Variants in DIP2A observed in about 807,000 individuals in gnomAD.
DIP2A encodes disco-interacting protein 2 homolog A.
DIP2A carries 85 observed loss-of-function variants against 177.4 expected under a neutral mutation model. That is an observed-to-expected ratio of 0.48 (90% CI 0.40 to 0.57). The LOEUF (loss-of-function observed/expected upper bound fraction) is 0.57. DIP2A is among the 20% of genes least tolerant of loss of function. The pLI, the probability that DIP2A is intolerant of heterozygous loss-of-function variation, is 0.00. For synonymous variants in DIP2A, 886 were observed against 881.8 expected, an observed-to-expected ratio of 1.00 and a Z score of -0.08; for missense variants, 1,791 against 2,100.2, an observed-to-expected ratio of 0.85 and a Z score of 2.88.
chr21:46,540,492 C>G (rs551535802), intron 17 of DIP2A, among the ~76,000 whole-genome samples: 3 of 152,164 alleles, frequency 2.0e-5, no homozygotes, highest in African/African-American at 7.2e-5. Context: ...CCTGAGTGTC[C>G]TTGTGTGTGG....
Position 46,554,280 on chromosome 21 carries a change from G to C in DIP2A, c.3142G>C (p.Val1048Leu), listed in dbSNP as rs1207112081. 5 of 1,613,902 alleles carry C rather than the reference G, an allele frequency of 3.1e-6. No individual in the cohort carries two copies. Among genetic ancestry groups the C allele is most frequent in the South Asian group, 1.1e-5 (1 of 91,080 alleles). ...GAGTGTTGGGGACCATGTGGCTCTG[G>C]TCTACCCACCAGGTGGGCTCACTGT... The part of the protein sequence containing the change: ...RLSVGDHVAL[V>L]YPPGVDLIAA... The change falls in exon 26 of 38, where the codon GTC (valine) becomes CTC (leucine). Residue 1048 changes from valine (V) to leucine (L), a missense_variant. Transcript: ENST00000417564.
chr21:46,462,398 GATTACA>G (rs2054396309), intron 1 of DIP2A: 1 of 152,148 alleles, frequency 6.6e-6, no homozygotes, highest in Non-Finnish European at 1.5e-5. Context: ...ATCTCCTGTG[GATTACA>G]ATGTCTCTAA....
At chr21:46,549,126 TTGTG>T (rs142993944) in intron 21 of DIP2A, among the ~76,000 whole-genome samples, 6 of 150,926 alleles carry the variant, frequency 4.0e-5, no homozygotes, top group Admixed American at 3.3e-4. Context: ...GTTGTGTAAA[TTGTG>T]TGTGTGTGTG....
chr21:46,547,087 T>G (rs1335226462), intron 21 of DIP2A, 45 bp downstream of exon 21: 1 of 1,597,358 alleles, frequency 6.3e-7, no homozygotes, highest in Non-Finnish European at 8.6e-7. Context: ...TTCCTTCATT[T>G]GCAGCTCGGG....
chr21:46,575,537 G>A, the DIP2A span, among the ~76,000 whole-genome samples: 8 of 152,064 alleles, frequency 5.3e-5, no homozygotes, highest in Non-Finnish European at 1.2e-4. Flanking sequence ...ACAAAAAAAA[G>A]TAGCACTAAT....
At chr21:46,507,113 A>G (rs977705897) in intron 6 of DIP2A, among the ~76,000 whole-genome samples, 1 of 151,922 alleles carries the variant, frequency 6.6e-6, no homozygotes, top group Non-Finnish European at 1.5e-5. Context: ...AGGGCTGTTT[A>G]TATATTCTAG....
chr21:46,540,908 G>A (rs562049286), intron 17 of DIP2A, among the ~76,000 whole-genome samples: 8 of 151,664 alleles, frequency 5.3e-5, no homozygotes, highest in African/African-American at 1.7e-4. Flanking sequence ...CCAGCTACTC[G>A]GGAGGCTGAG....
At chr21:46,515,673 A>G (rs1332163063) in intron 8 of DIP2A, among the ~76,000 whole-genome samples, 1 of 151,996 alleles carries the variant, frequency 6.6e-6, no homozygotes, top group Non-Finnish European at 1.5e-5. Context: ...TTTACCTGGG[A>G]CCACAGGCAC....
At chr21:46,506,009 A>G (rs1361762566) in intron 6 of DIP2A, among the ~76,000 whole-genome samples, 2 of 152,228 alleles carry the variant, frequency 1.3e-5, no homozygotes, top group Non-Finnish European at 2.9e-5. Flanking sequence ...GGTTACAAGT[A>G]AAGCTGCTAT....
At chr21:46,560,144 G>T (rs548007638) in intron 32 of DIP2A, among the ~76,000 whole-genome samples, 1 of 152,348 alleles carries the variant, frequency 6.6e-6, no homozygotes, top group African/African-American at 2.4e-5. Context: ...AGGTTATGTT[G>T]TCTGGGATCT....
intron 32 of DIP2A, chr21:46,558,680 A>C (rs1210865952): frequency 6.9e-6 from 3 of 435,394 alleles, no homozygotes; most frequent in African/African-American, 6.1e-5. Context: ...CTAAGTTCTT[A>C]AAGCAAGATT....
At chr21:46,512,858 C>T (rs1245172311) in intron 8 of DIP2A, among the ~76,000 whole-genome samples, 1 of 151,828 alleles carries the variant, frequency 6.6e-6, no homozygotes, top group African/African-American at 2.4e-5. Context: ...GGGGGGTCTC[C>T]CTATGTTGCC....
intron 7 of DIP2A, among the ~76,000 whole-genome samples, chr21:46,509,710 A>G (rs1331082898): frequency 6.6e-6 from 1 of 152,198 alleles, no homozygotes; most frequent in African/African-American, 2.4e-5. Context: ...AATTTTCAGC[A>G]TAGATTTGGC....
intron 21 of DIP2A, chr21:46,547,331 G>A (rs779862072): frequency 2.6e-5 from 18 of 695,230 alleles, no homozygotes; most frequent in Non-Finnish European, 3.5e-5. Context: ...ATTGAGTAAA[G>A]CAAAGGAGAA....
At chr21:46,525,432 G>A (rs1229123606) in intron 8 of DIP2A, among the ~76,000 whole-genome samples, 2 of 152,170 alleles carry the variant, frequency 1.3e-5, no homozygotes, top group African/African-American at 4.8e-5. Context: ...GTGGTGGCAC[G>A]TGGGTCATCA....
intron 8 of DIP2A, among the ~76,000 whole-genome samples, chr21:46,513,439 T>C (rs1360220512): frequency 6.6e-6 from 1 of 152,160 alleles, no homozygotes; most frequent in East Asian, 1.9e-4. Flanking sequence ...TCTGGGCTCC[T>C]GTTGGCGGGG....
At chr21:46,472,203 A>C (rs2055447358) in intron 1 of DIP2A, among the ~76,000 whole-genome samples, 1 of 152,244 alleles carries the variant, frequency 6.6e-6, no homozygotes, top group African/African-American at 2.4e-5. Context: ...ATGTGAAGAC[A>C]TAGGCAGCTG....
At chr21:46,577,606 C>T in the DIP2A span, among the ~76,000 whole-genome samples, 1 of 149,210 alleles carries the variant, frequency 6.7e-6, no homozygotes, top group African/African-American at 2.5e-5. Flanking sequence ...ATTGTCTTGG[C>T]TATATGGGCT....
intron 18 of DIP2A, among the ~76,000 whole-genome samples, chr21:46,543,835 A>AC (rs2059923779): frequency 6.6e-6 from 1 of 152,002 alleles, no homozygotes; most frequent in African/African-American, 2.4e-5. Context: ...ACCACCTTCC[A>AC]CATCAGCCAA....
Sources: gnomAD v4.1 joint callset for allele counts (sites outside exome capture counted in the v4.1 genomes callset) on GRCh38, gnomAD v4.1.1 for gene constraint, MANE v1.5 for transcripts, NCBI Gene and HGNC (gene_info 2026-07-23, HGNC 2026-07-21) for gene names.